Variants in SP3 observed in about 807,000 individuals in gnomAD.
The protein encoded by SP3 is transcription factor Sp3.
SP3 carries 10 observed loss-of-function variants against 70.3 expected under a neutral mutation model. The ratio of observed to expected loss-of-function variants is 0.14; its 90% confidence interval spans 0.09 to 0.24. The LOEUF (loss-of-function observed/expected upper bound fraction) is 0.24. Among genes scored for constraint, SP3 ranks in the 10% least tolerant of loss-of-function variants. The probability of loss-of-function intolerance (pLI) is 1.00; values close to 1 mark genes in which losing one functional copy is unlikely to be tolerated. For synonymous variants in SP3, 402 were observed against 333.5 expected, an observed-to-expected ratio of 1.21 and a Z score of -2.24; for missense variants, 825 against 914.6, an observed-to-expected ratio of 0.90 and a Z score of 1.26.
rs375554470 is a variant in SP3 at position 173,930,007 on chromosome 2, C to T, written c.1640-11222G>A. On this transcript the variant is annotated intron_variant, in intron 4 of 6. Coordinates refer to ENST00000310015, the MANE Select transcript of SP3 (RefSeq NM_003111.5). The stretch of plus-strand genomic sequence containing the variant: ...TTTACTACTTTTCTTTGCTTTCTTG[C>T]CCCATGAGACAGTGTGTCTATTTCT... Among the ~76,000 whole-genome samples, 13 of 152,262 alleles carry T rather than the reference C, an allele frequency of 8.5e-5. 1 individual carries two copies. Among genetic ancestry groups the T allele is most frequent in the African/African-American group, 3.1e-4 (13 of 41,558 alleles).
At chr2:173,921,674 T>A (rs1472709773) in intron 4 of SP3, among the ~76,000 whole-genome samples, 1 of 152,128 alleles carries the variant, frequency 6.6e-6, no homozygotes, top group East Asian at 1.9e-4. Context: ...CATGATCACA[T>A]CACTGCCCTC....
chr2:173,910,029 G>T lies in SP3; in HGVS notation c.2258C>A (p.Thr753Asn), dbSNP rs1178082951. The change falls in exon 7 of 7, where the codon ACT becomes AAT. Residue 753 changes from threonine to asparagine, a missense_variant. This residue lies in a region of SP3 where 91 missense variants were observed against 97.4 expected (regional missense o/e 0.93). Transcript: ENST00000310015. Reference protein sequence around the residue: ...GSVSGIGTVNTSATSNQDILT... With the variant: ...GSVSGIGTVNNSATSNQDILT... ...GATATCTTGATTGCTGGTGGCGGAAGTATTAACAGTTCCTATCCCTGAAAC... is the reference window on the plus strand; with the variant it reads ...GATATCTTGATTGCTGGTGGCGGAATTATTAACAGTTCCTATCCCTGAAAC... 27 of 1,613,706 alleles carry T rather than the reference G, an allele frequency of 1.7e-5. No homozygotes were observed. Among genetic ancestry groups the T allele is most frequent in the Non-Finnish European group, 2.3e-5 (27 of 1,179,826 alleles).
chr2:173,941,394 G>A (rs1690369641), intron 4 of SP3, among the ~76,000 whole-genome samples: 1 of 152,300 alleles, frequency 6.6e-6, no homozygotes. Context: ...GATAACGTGA[G>A]ACCAGGAGTT....
chr2:173,920,287 T>C (rs1469077506), intron 4 of SP3, among the ~76,000 whole-genome samples: 3 of 152,088 alleles, frequency 2.0e-5, no homozygotes, highest in Non-Finnish European at 4.4e-5. Context: ...GAGGGATGAA[T>C]AGGCACAGCA....
At chr2:173,924,504 A>C (rs985928562) in intron 4 of SP3, among the ~76,000 whole-genome samples, 1 of 152,194 alleles carries the variant, frequency 6.6e-6, no homozygotes, top group East Asian at 1.9e-4. Flanking sequence ...GGCTAAACAC[A>C]TAAGATAAGG....
chr2:173,951,543 A>C (rs1559106567), intron 4 of SP3, among the ~76,000 whole-genome samples: 1 of 152,254 alleles, frequency 6.6e-6, no homozygotes, highest in Non-Finnish European at 1.5e-5. Flanking sequence ...GAATAAAAGA[A>C]GACATTTAAA....
At chr2:173,956,327 A>G in intron 3 of SP3, 95 bp from the exon 4 acceptor site, 1 of 1,306,062 alleles carries the variant, frequency 7.7e-7, no homozygotes, top group Non-Finnish European at 1.0e-6. Context: ...ACTACCTGAA[A>G]ATTCAACTTA....
chr2:173,906,253 C>T lies in SP3; in HGVS notation c.*3688G>A, dbSNP rs1300303874. ...GAATTCTCCCTCTTCTAGGTTTCTA[C>T]AGTACTTTGTTTCTGCCACTAATAT... On this transcript the variant is annotated 3_prime_UTR_variant, in exon 7 of 7. Transcript: ENST00000310015. Among the ~76,000 whole-genome samples, 1 of 152,144 alleles carries T rather than the reference C, an allele frequency of 6.6e-6. No individual in the cohort carries two copies. Among genetic ancestry groups the T allele is most frequent in the African/African-American group, 2.4e-5 (1 of 41,428 alleles).
At chr2:173,917,720 T>C (rs1163263207) in intron 5 of SP3, among the ~76,000 whole-genome samples, 1 of 152,064 alleles carries the variant, frequency 6.6e-6, no homozygotes, top group East Asian at 1.9e-4. Flanking sequence ...GTTCTATCCG[T>C]TTTTGCTCTA....
chr2:173,957,093 T>C lies in SP3; in HGVS notation c.280-861A>G, dbSNP rs111698733. Among the ~76,000 whole-genome samples, 207 of 152,256 alleles carry C rather than the reference T, an allele frequency of 1.4e-3. 4 individuals are homozygous for C. The highest frequency in any genetic ancestry group is 4.7e-3 in the African/African-American group (196 of 41,568). ...CATTCTATAAAACTTAATGCAAATA[T>C]GATAAACAAAAAAATCTTAAGTTTC... On this transcript the variant is annotated intron_variant, in intron 3 of 6. Coordinates refer to ENST00000310015, the MANE Select transcript of SP3 (RefSeq NM_003111.5).
intron 4 of SP3, among the ~76,000 whole-genome samples, chr2:173,932,979 C>T (rs1275468470): frequency 6.6e-6 from 1 of 151,910 alleles, no homozygotes; most frequent in African/African-American, 2.4e-5. Flanking sequence ...GGCGACAGTA[C>T]GAGACTGTCT....
At chr2:173,917,092 C>T (rs1689634363) in intron 5 of SP3, among the ~76,000 whole-genome samples, 1 of 151,950 alleles carries the variant, frequency 6.6e-6, no homozygotes, top group South Asian at 2.1e-4. Flanking sequence ...TTTAAATGTC[C>T]TATGTGTCTA....
chr2:173,920,474 G>T (rs900808149), intron 4 of SP3, among the ~76,000 whole-genome samples: 2 of 152,072 alleles, frequency 1.3e-5, no homozygotes, highest in Admixed American at 6.6e-5. Flanking sequence ...GTTAACAAAT[G>T]AACCACTCTG....
intron 4 of SP3, among the ~76,000 whole-genome samples, chr2:173,942,346 A>T (rs575509186): frequency 6.6e-6 from 1 of 152,170 alleles, no homozygotes; most frequent in Non-Finnish European, 1.5e-5. Context: ...CAGGTGGATC[A>T]CTTGAGGTCA....
chr2:173,953,077 AGACATGCAGCCC>A (rs1465332763), intron 4 of SP3, among the ~76,000 whole-genome samples: 9 of 152,236 alleles, frequency 5.9e-5, no homozygotes, highest in Non-Finnish European at 1.2e-4. Context: ...ATTTTTTAAA[AGACATGCAGCCC>A]TCAAGGGTCA....
Position 173,904,467 on chromosome 2 carries a change from C to G in SP3, c.*5474G>C, listed in dbSNP as rs938652813. ...AGGTTTTAAGGCTATCTTGTGGAAC[C>G]CCAGGAGGATGAAATGCAGATAGTG... On this transcript the variant is annotated 3_prime_UTR_variant, in exon 7 of 7. Coordinates refer to ENST00000310015, the MANE Select transcript of SP3 (RefSeq NM_003111.5). Among the ~76,000 whole-genome samples the G allele has an allele frequency of 6.6e-6, 1 of 151,970 alleles. No individual in the cohort carries two copies. The highest frequency in any genetic ancestry group is 2.4e-5 in the African/African-American group (1 of 41,416).
chr2:173,919,498 AT>A (rs1165027035), intron 4 of SP3, among the ~76,000 whole-genome samples: 1 of 152,180 alleles, frequency 6.6e-6, no homozygotes, highest in Non-Finnish European at 1.5e-5. Context: ...ACTGTGCTGT[AT>A]TAGTGTCCTA....
At chr2:173,942,233 A>G (rs866675484) in intron 4 of SP3, among the ~76,000 whole-genome samples, 4 of 152,338 alleles carry the variant, frequency 2.6e-5, no homozygotes, top group Middle Eastern at 3.4e-3. Context: ...GCACTTCTAG[A>G]AAGTTCTCTG....
intron 4 of SP3, among the ~76,000 whole-genome samples, chr2:173,943,088 G>A (rs1690424680): frequency 6.6e-6 from 1 of 152,082 alleles, no homozygotes; most frequent in Non-Finnish European, 1.5e-5. Context: ...TGGATACTGA[G>A]GAATGACTCT....
Sources: allele counts gnomAD v4.1 joint callset (sites outside exome capture counted in the v4.1 genomes callset), GRCh38; gene constraint gnomAD v4.1.1; regional missense constraint gnomAD v4.1.1; transcripts MANE v1.5; gene names NCBI Gene and HGNC (gene_info 2026-07-23, HGNC 2026-07-21).